Variants in ZMIZ1 observed in about 807,000 individuals in gnomAD.
The protein encoded by ZMIZ1 is zinc finger MIZ-type containing 1, also known as zinc finger MIZ domain-containing protein 1.
In ZMIZ1, 17 loss-of-function variants were observed where a neutral mutation model predicts 113.9. That is an observed-to-expected ratio of 0.15 (90% CI 0.10 to 0.22). The LOEUF (loss-of-function observed/expected upper bound fraction) is 0.22. Ranked by LOEUF, ZMIZ1 falls within the 10% of genes least tolerant of loss-of-function variation. The pLI, the probability that ZMIZ1 is intolerant of heterozygous loss-of-function variation, is 1.00. For missense variants in ZMIZ1, 1,059 were observed against 1,477.8 expected (o/e 0.72, Z 4.65); for synonymous variants, 607 against 603.1 (o/e 1.01, Z -0.09).
At chr10:79,231,625 C>G (rs1396194855) in intron 7 of ZMIZ1, among the ~76,000 whole-genome samples, 3 of 152,176 alleles carry the variant, frequency 2.0e-5, no homozygotes, top group African/African-American at 7.2e-5. Flanking sequence ...GTCACCCATG[C>G]TGGAGTGCAG....
intron 7 of ZMIZ1, among the ~76,000 whole-genome samples, chr10:79,222,673 C>G (rs571209963): frequency 1.1e-3 from 160 of 152,270 alleles, no homozygotes; most frequent in African/African-American, 3.8e-3. Flanking sequence ...CAAAGGGGTC[C>G]CTGTCTCACC....
intron 4 of ZMIZ1, among the ~76,000 whole-genome samples, chr10:79,196,460 G>A (rs1847836140): frequency 6.6e-6 from 1 of 152,222 alleles, no homozygotes; most frequent in Non-Finnish European, 1.5e-5. Flanking sequence ...AGTTGAGGCA[G>A]AGCGGGTAGA....
chr10:79,087,890 G>C (rs1391614432), intron 1 of ZMIZ1, among the ~76,000 whole-genome samples: 1 of 152,180 alleles, frequency 6.6e-6, no homozygotes, highest in Non-Finnish European at 1.5e-5. Context: ...ACTGTTTCCT[G>C]ACCAGTGTTG....
At chr10:79,210,726 A>G (rs1007193833) in intron 6 of ZMIZ1, among the ~76,000 whole-genome samples, 4 of 152,236 alleles carry the variant, frequency 2.6e-5, no homozygotes, top group Admixed American at 6.5e-5. Flanking sequence ...CCACAGGCCA[A>G]GCGAAAGTCT....
At chr10:79,308,905 C>G (rs902208799) in intron 23 of ZMIZ1, among the ~76,000 whole-genome samples, 1 of 152,168 alleles carries the variant, frequency 6.6e-6, no homozygotes, top group Admixed American at 6.5e-5. Context: ...TCTGTGAGCC[C>G]CGCTGCCTGC....
intron 4 of ZMIZ1, among the ~76,000 whole-genome samples, chr10:79,192,864 G>A (rs1847664287): frequency 6.6e-6 from 1 of 152,218 alleles, no homozygotes; most frequent in East Asian, 1.9e-4. Flanking sequence ...GCCTGCTCCA[G>A]TTGTCCTGCT....
chr10:79,207,292 C>G (rs898059205), intron 5 of ZMIZ1, among the ~76,000 whole-genome samples: 3 of 152,230 alleles, frequency 2.0e-5, no homozygotes, highest in Admixed American at 6.5e-5. Flanking sequence ...GGTTCACACT[C>G]CTGTGCTGTG....
chr10:79,138,415 A>C (rs1845113250), intron 2 of ZMIZ1, among the ~76,000 whole-genome samples: 1 of 152,224 alleles, frequency 6.6e-6, no homozygotes. Flanking sequence ...AATGCTGGGA[A>C]AGACGCCATT....
chr10:79,259,069 T>C (rs1288353870), intron 7 of ZMIZ1, among the ~76,000 whole-genome samples: 1 of 152,120 alleles, frequency 6.6e-6, no homozygotes, highest in Non-Finnish European at 1.5e-5. Flanking sequence ...GCCGCCCGTA[T>C]TAGTTTAATC....
chr10:79,251,035 C>G (rs1450862776), intron 7 of ZMIZ1, among the ~76,000 whole-genome samples: 1 of 152,170 alleles, frequency 6.6e-6, no homozygotes, highest in Non-Finnish European at 1.5e-5. Flanking sequence ...GAGGGGCTTG[C>G]TGGGGACTTG....
At chr10:79,201,733 G>A (rs1848089776) in intron 5 of ZMIZ1, 41 bp downstream of exon 5, 2 of 1,604,170 alleles carry the variant, frequency 1.2e-6, no homozygotes, top group African/African-American at 2.7e-5. Flanking sequence ...CGGGGCAGAT[G>A]GGGCGGGCTG....
chr10:79,275,749 G>A (rs1852248026), intron 7 of ZMIZ1, among the ~76,000 whole-genome samples: 1 of 152,236 alleles, frequency 6.6e-6, no homozygotes, highest in Admixed American at 6.5e-5. Context: ...ACCAGGGCAT[G>A]GGGCCAGGAG....
At chr10:79,205,861 C>T (rs1234937515) in intron 5 of ZMIZ1, among the ~76,000 whole-genome samples, 10 of 152,130 alleles carry the variant, frequency 6.6e-5, no homozygotes, top group Non-Finnish European at 1.3e-4. Flanking sequence ...CTTTGGGAGA[C>T]GGTGGTAGGA....
At chr10:79,293,855 C>T (rs1031701648) in intron 12 of ZMIZ1, 31 of 784,316 alleles carry the variant, frequency 4.0e-5, no homozygotes, top group Non-Finnish European at 6.0e-5. Flanking sequence ...AGCCAGTCAC[C>T]CTGCCTCCTA....
At chr10:79,149,206 G>A (rs1013249772) in intron 3 of ZMIZ1, among the ~76,000 whole-genome samples, 5 of 152,208 alleles carry the variant, frequency 3.3e-5, no homozygotes, top group African/African-American at 7.2e-5. Flanking sequence ...GCCCCAGGCA[G>A]GCCCACACCC....
intron 3 of ZMIZ1, among the ~76,000 whole-genome samples, chr10:79,147,348 C>G (rs1845532577): frequency 6.6e-6 from 1 of 152,134 alleles, no homozygotes; most frequent in African/African-American, 2.4e-5. Flanking sequence ...ACCTTCTGAC[C>G]AGGGGGAGCC....
intron 7 of ZMIZ1, among the ~76,000 whole-genome samples, chr10:79,258,991 A>G (rs929105549): frequency 6.6e-6 from 1 of 152,114 alleles, no homozygotes; most frequent in African/African-American, 2.4e-5. Context: ...CAGTCAAGGT[A>G]ATCGGATTGT....
intron 3 of ZMIZ1, among the ~76,000 whole-genome samples, chr10:79,148,061 GC>G (rs1845566002): frequency 6.6e-6 from 1 of 152,222 alleles, no homozygotes; most frequent in African/African-American, 2.4e-5. Flanking sequence ...GGCTGTGGTG[GC>G]TTTTTGGGGC....
chr10:79,216,176 G>T lies in ZMIZ1; in HGVS notation c.182G>T (p.Ser61Ile), dbSNP rs1848721191. ...CTCCCCTCTTGCTTTCAGGTGGTCA[G>T]TCGGGTGGCAGCCCAGCAAGGCTTT... Reference protein sequence around the residue: ...QSLMGCLTVVSRVAAQQGFDL... With the variant: ...QSLMGCLTVVIRVAAQQGFDL... Residue 61 changes from serine (S) to isoleucine (I), a missense_variant, in exon 7 of 25, where the codon AGT (serine) becomes ATT (isoleucine). By Grantham distance (142) the Ser-to-Ile change is moderately radical. This residue lies in a region of ZMIZ1 where 272 missense variants were observed against 350.4 expected (regional missense o/e 0.78). Transcript: ENST00000334512. 6.6e-7 allele frequency: 1 copy of T among 1,503,920 alleles called. No homozygotes were observed. Among genetic ancestry groups the T allele is most frequent in the Admixed American group, 2.1e-5 (1 of 48,160 alleles). 93.2% of individuals were successfully genotyped at this position (1,503,920 alleles called of 1,614,324 possible). A position where few individuals can be genotyped will look rare whatever the true frequency, so the allele number is the denominator to read the frequency against.
Sources: gnomAD v4.1 joint callset for allele counts (sites outside exome capture counted in the v4.1 genomes callset) on GRCh38, gnomAD v4.1.1 for gene constraint, gnomAD v4.1.1 regional missense constraint, MANE v1.5 for transcripts, NCBI Gene and HGNC (gene_info 2026-07-23, HGNC 2026-07-21) for gene names.